The following AKAP19 variants were observed in gnomAD, a reference collection of about 807,000 sequenced individuals.
AKAP19 encodes A-kinase anchoring protein 19, also known as small A-kinase anchoring protein.
the AKAP19 span, among the ~76,000 whole-genome samples, chr2:190,086,864 A>G: frequency 1.3e-5 from 2 of 152,212 alleles, no homozygotes; most frequent in African/African-American, 2.4e-5. Context: ...CAGCGAATAC[A>G]GTAATCCCTT....
the AKAP19 span, among the ~76,000 whole-genome samples, chr2:190,103,941 A>G: frequency 1.3e-5 from 2 of 152,228 alleles, no homozygotes; most frequent in Non-Finnish European, 2.9e-5. Flanking sequence ...AAACTATACT[A>G]TAAGGTCACA....
the AKAP19 span, chr2:190,202,918 C>T: frequency 3.6e-5 from 6 of 167,168 alleles, no homozygotes; most frequent in Admixed American, 3.9e-4. Context: ...TGCCTTTGAT[C>T]CTAAAATTCT....
chr2:189,983,788 G>A, the AKAP19 span, among the ~76,000 whole-genome samples: 27 of 152,256 alleles, frequency 1.8e-4, no homozygotes, highest in East Asian at 1.5e-3. Flanking sequence ...GAACTGCCCC[G>A]AAAATCATGT....
At chr2:190,099,722 T>G in the AKAP19 span, among the ~76,000 whole-genome samples, 1 of 152,158 alleles carries the variant, frequency 6.6e-6, no homozygotes, top group Non-Finnish European at 1.5e-5. Flanking sequence ...TAAAATGAGG[T>G]GTGCTTGTGC....
At chr2:190,084,225 T>C in the AKAP19 span, among the ~76,000 whole-genome samples, 1 of 151,810 alleles carries the variant, frequency 6.6e-6, no homozygotes, top group African/African-American at 2.4e-5. Context: ...CCCACGTACC[T>C]GGGATTACAG....
At chr2:190,010,807 G>A in the AKAP19 span, among the ~76,000 whole-genome samples, 1 of 152,042 alleles carries the variant, frequency 6.6e-6, no homozygotes, top group Admixed American at 6.6e-5. Flanking sequence ...TATGATAGAT[G>A]TATATAATGT....
At chr2:190,049,429 G>A in the AKAP19 span, among the ~76,000 whole-genome samples, 6 of 152,134 alleles carry the variant, frequency 3.9e-5, no homozygotes, top group Non-Finnish European at 5.9e-5. Context: ...TAATAAAAAT[G>A]TAAATTGGCA....
At chr2:189,882,592 C>T in the AKAP19 span, among the ~76,000 whole-genome samples, 2 of 152,128 alleles carry the variant, frequency 1.3e-5, no homozygotes, top group Non-Finnish European at 2.9e-5. Flanking sequence ...TTTAATCTGG[C>T]TCAGTGAGTC....
the AKAP19 span, among the ~76,000 whole-genome samples, chr2:190,050,027 C>G: frequency 6.6e-6 from 1 of 152,182 alleles, no homozygotes; most frequent in Non-Finnish European, 1.5e-5. Flanking sequence ...CCCTAAGGAT[C>G]TTGTTACTGT....
the AKAP19 span, among the ~76,000 whole-genome samples, chr2:190,193,071 C>T: frequency 6.6e-6 from 1 of 152,028 alleles, no homozygotes; most frequent in African/African-American, 2.4e-5. Flanking sequence ...ACTATTGCTG[C>T]CTTGCTCCTG....
chr2:189,883,507 G>GT, the AKAP19 span, among the ~76,000 whole-genome samples: 15,405 of 123,686 alleles, frequency 0.12, 962 homozygotes, highest in Middle Eastern at 0.15. Context: ...GTTTCTTCCT[G>GT]TTTTTTTTTT....
the AKAP19 span, among the ~76,000 whole-genome samples, chr2:190,014,948 G>T: frequency 6.6e-6 from 1 of 152,188 alleles, no homozygotes; most frequent in East Asian, 1.9e-4. Flanking sequence ...TGCAATGGGT[G>T]GGCTCCCATG....
the AKAP19 span, among the ~76,000 whole-genome samples, chr2:189,936,444 G>A: frequency 1.3e-5 from 2 of 152,206 alleles, no homozygotes; most frequent in South Asian, 2.1e-4. Flanking sequence ...TAGTTCTAGG[G>A]TAGGTTTTGA....
chr2:189,996,039 G>A, the AKAP19 span, among the ~76,000 whole-genome samples: 9 of 152,026 alleles, frequency 5.9e-5, no homozygotes, highest in East Asian at 3.9e-4. Flanking sequence ...TCTTTCCTTC[G>A]TCTTGACTTT....
chr2:190,179,049 G>GT, the AKAP19 span, among the ~76,000 whole-genome samples: 8 of 152,302 alleles, frequency 5.3e-5, no homozygotes, highest in East Asian at 7.7e-4. This position sits in a 1 kb window ranked among gnomAD's most constrained non-coding sequence, Gnocchi z 6.0. Flanking sequence ...ATTTAGCATG[G>GT]TGTGCCTGAA....
chr2:189,928,552 CAG>C, the AKAP19 span, among the ~76,000 whole-genome samples: 1 of 152,058 alleles, frequency 6.6e-6, no homozygotes. Flanking sequence ...AATTAATAAA[CAG>C]AAATTTAAGC....
the AKAP19 span, among the ~76,000 whole-genome samples, chr2:190,169,735 C>T: frequency 6.6e-6 from 1 of 152,180 alleles, no homozygotes; most frequent in Non-Finnish European, 1.5e-5. Flanking sequence ...CATGACTCCA[C>T]ATGGTAACAC....
the AKAP19 span, among the ~76,000 whole-genome samples, chr2:189,967,245 C>T: frequency 6.6e-6 from 1 of 152,144 alleles, no homozygotes; most frequent in African/African-American, 2.4e-5. Flanking sequence ...ACCTGGGTTC[C>T]TGGATAGCAA....
chr2:189,896,802 C>A, the AKAP19 span, among the ~76,000 whole-genome samples: 2 of 151,814 alleles, frequency 1.3e-5, no homozygotes, highest in Non-Finnish European at 2.9e-5. Context: ...ATTTTTCTTT[C>A]CCCAAAGGAT....
Sources: allele counts gnomAD v4.1 joint callset (sites outside exome capture counted in the v4.1 genomes callset), GRCh38; gene constraint gnomAD v4.1.1; non-coding constraint Gnocchi (gnomAD v3.1); transcripts MANE v1.5; gene names NCBI Gene and HGNC (gene_info 2026-07-23, HGNC 2026-07-21).